The following ZAN variants were observed in gnomAD, a reference collection of about 807,000 sequenced individuals.
The protein encoded by ZAN is zonadhesin, also known as zonadhesin (gene/pseudogene).
ZAN carries 260 observed loss-of-function variants against 286.2 expected under a neutral mutation model. The ratio of observed to expected loss-of-function variants is 0.91; its 90% CI spans 0.82 to 1.01. The LOEUF is 1.01. Among genes scored for constraint, ZAN ranks in the 50% least tolerant of loss-of-function variants. The pLI is 0.00. For synonymous variants in ZAN, 1,368 were observed against 1,417.5 expected (o/e 0.97, Z 0.79); for missense variants, 3,410 against 3,639.2 (o/e 0.94, Z 1.62).
chr7:100,736,379 C>T, intron 3 of ZAN, 104 bp from the exon 4 acceptor site: 2 of 1,282,704 alleles, frequency 1.6e-6, no homozygotes, highest in Non-Finnish European at 2.2e-6. Flanking sequence ...GATTTCATGG[C>T]AGCTTTCTCT....
rs368918103 is a variant in ZAN, at chr7:100,767,945, G to A, written c.4975G>A (p.Asp1659Asn). Residue 1659 changes from aspartate to asparagine, a missense_variant, in exon 26 of 48, where the codon GAC (aspartate) becomes AAC (asparagine). This residue lies in a region of ZAN where 1,042 missense variants were observed against 1,058.0 expected (regional missense o/e 0.98). Transcript: ENST00000613979. ...YTNFGLQVRYDGSHLVEVTVP... is the reference protein window; with the variant it reads ...YTNFGLQVRYNGSHLVEVTVP... ...GAACTTTGGGCTCCAAGTTCGCTAC[G>A]ACGGGAGCCACTTGGTGGAAGTGAC... 185 of 1,613,820 alleles carry A rather than the reference G, an allele frequency of 1.1e-4. 1 individual carries two copies. Among genetic ancestry groups the A allele is most frequent in the Non-Finnish European group, 1.5e-4 (180 of 1,179,896 alleles).
At position 100,758,191 on chromosome 7, in the gene ZAN, C is replaced by T. The variant is rs747517122; in HGVS notation, c.3310-11C>T. On this transcript the variant is annotated splice_polypyrimidine_tract_variant and intron_variant, in intron 15 of 47. Transcript: ENST00000613979. The stretch of plus-strand genomic sequence containing the variant: ...TATATGACTGTGTGACCTCACATCC[C>T]TTTCTCCCAGCCTGGGGCAGAGTGG... 6.2e-6 allele frequency: 10 copies of T among 1,608,730 alleles called. No homozygotes were observed. The African/African-American group carries it at 9.4e-5, about 15-fold the overall frequency.
chr7:100,758,953 G>T (rs1338368493), intron 17 of ZAN, among the ~76,000 whole-genome samples: 1 of 152,104 alleles, frequency 6.6e-6, no homozygotes, highest in Admixed American at 6.6e-5. Context: ...GCCGGGCTCA[G>T]TGGCTCACGC....
chr7:100,773,945 T>A, intron 31 of ZAN, 80 bp downstream of exon 31: 1 of 1,511,346 alleles, frequency 6.6e-7, no homozygotes, highest in Non-Finnish European at 8.9e-7. Flanking sequence ...CCCTGCTGCC[T>A]GTAGCACTGG....
At chr7:100,758,951 C>G (rs1809350935) in intron 17 of ZAN, among the ~76,000 whole-genome samples, 1 of 151,992 alleles carries the variant, frequency 6.6e-6, no homozygotes, top group South Asian at 2.1e-4. Context: ...AGGCCGGGCT[C>G]AGTGGCTCAC....
rs1181348394 is a variant in ZAN at position 100,747,566 on chromosome 7, C to T, written c.948C>T (p.His316=). Residue 316 remains histidine (H), a synonymous_variant, in exon 9 of 48, where the codon CAC becomes CAT. Coordinates refer to ENST00000613979, the MANE Select transcript of ZAN (RefSeq NM_003386.3). ...YASVLGSIRK[H]TLFSGQPGPN... is the part of the protein sequence containing the mutation. Reference sequence around the variant, plus strand: ...TCACTGCAGGGAGTATCCGGAAACACACTCTCTTCTCAGGACAACCTGGGC... The same window carrying T: ...TCACTGCAGGGAGTATCCGGAAACATACTCTCTTCTCAGGACAACCTGGGC... 1.2e-6 allele frequency: 2 copies of T among 1,613,870 alleles called. No individual in the cohort carries two copies. The highest frequency in any genetic ancestry group is 4.5e-5 in the East Asian group (2 of 44,862).
At chr7:100,789,733 T>A (rs1316937895) in intron 39 of ZAN, among the ~76,000 whole-genome samples, 1 of 151,722 alleles carries the variant, frequency 6.6e-6, no homozygotes, top group Non-Finnish European at 1.5e-5. Context: ...TCACCTAAGG[T>A]CAGGAGTTCA....
intron 17 of ZAN, 34 bp from the exon 18 acceptor site, chr7:100,759,687 C>A: frequency 1.3e-6 from 2 of 1,558,720 alleles, no homozygotes; most frequent in Admixed American, 1.9e-5. Flanking sequence ...CAGAAATGAG[C>A]CACTGGGCTC....
chr7:100,755,429 T>A lies in ZAN; in HGVS notation c.3309+19T>A. 6.2e-7 allele frequency: 1 copy of A among 1,608,250 alleles called. No individual in the cohort carries two copies. Among genetic ancestry groups the A allele is most frequent in the Non-Finnish European group, 8.5e-7 (1 of 1,176,908 alleles). On this transcript the variant is annotated intron_variant, in intron 15 of 47. Transcript: ENST00000613979. The stretch of plus-strand genomic sequence containing the variant: ...CTATGAGGTAAGCCCCCCGGGATGC[T>A]GGGGTCCCATGAGGGAGATTGATGG...
At chr7:100,789,443 C>T (rs111780502) in intron 39 of ZAN, 96 bp downstream of exon 39, 63 of 1,545,466 alleles carry the variant, frequency 4.1e-5, no homozygotes, top group Middle Eastern at 1.9e-4. Context: ...TGAGCAGACT[C>T]GGCCCGGTAG....
chr7:100,751,671 G>T, intron 13 of ZAN, 41 bp from the exon 14 acceptor site: 1 of 1,538,666 alleles, frequency 6.5e-7, no homozygotes, highest in Non-Finnish European at 8.7e-7. Flanking sequence ...GTGGTGGTAT[G>T]GTTTTGACTA....
At position 100,779,607 on chromosome 7, in the gene ZAN, C is replaced by CGGGAAG; in HGVS notation, c.6480_6481insGGAAGG (p.Thr2160_Pro2161insGlyArg). 1 of 1,606,186 alleles carries CGGGAAG rather than the reference C, an allele frequency of 6.2e-7. No individual in the cohort carries two copies. Among genetic ancestry groups the CGGGAAG allele is most frequent in the South Asian group, 1.1e-5 (1 of 89,592 alleles). Reference sequence around the variant, plus strand: ...CAGTGCGCCTCCCGCATAGACCTCACGCCCTTCCTGGTGGACTGTGCAAAC... The same window carrying CGGGAAG: ...CAGTGCGCCTCCCGCATAGACCTCACGGGAAGGCCCTTCCTGGTGGACTGTGCAAAC... On this transcript the variant is annotated inframe_insertion, in exon 35 of 48. Transcript: ENST00000613979.
intron 24 of ZAN, 33 bp downstream of exon 24, chr7:100,766,699 C>A (rs1810000085): frequency 6.4e-7 from 1 of 1,551,846 alleles, no homozygotes; most frequent in Non-Finnish European, 8.7e-7. Flanking sequence ...GAGCTGGGGG[C>A]TGCCCAGGCA....
chr7:100,739,011 T>TCC (rs1807558688), intron 7 of ZAN, among the ~76,000 whole-genome samples: 1 of 82,598 alleles, frequency 1.2e-5, no homozygotes, highest in Non-Finnish European at 3.0e-5. Context: ...CTCCTTCTTC[T>TCC]TTTTCTTTTT....
chr7:100,782,138 T>A (rs1304514333), intron 35 of ZAN, among the ~76,000 whole-genome samples: 1 of 152,146 alleles, frequency 6.6e-6, no homozygotes, highest in Non-Finnish European at 1.5e-5. Flanking sequence ...TAGACCTTTA[T>A]TAGTGCTCTG....
At chr7:100,734,992 C>T (rs1807203339) in intron 2 of ZAN, among the ~76,000 whole-genome samples, 1 of 139,192 alleles carries the variant, frequency 7.2e-6, no homozygotes. Context: ...TGAGACCAGC[C>T]TGACCAACAT....
intron 37 of ZAN, among the ~76,000 whole-genome samples, chr7:100,786,490 C>A (rs972519473): frequency 1.1e-4 from 16 of 152,158 alleles, no homozygotes; most frequent in African/African-American, 3.9e-4. Context: ...CTAGCTGCAA[C>A]CTCAAATGCC....
intron 35 of ZAN, among the ~76,000 whole-genome samples, chr7:100,781,318 G>T (rs1055944379): frequency 1.8e-4 from 27 of 152,184 alleles, no homozygotes; most frequent in African/African-American, 6.0e-4. Context: ...TGCCTGCCTT[G>T]GCCTCCCAAA....
At position 100,751,996 on chromosome 7, in the gene ZAN, GA is replaced by G; in HGVS notation, c.1896del (p.Lys632AsnfsTer369). 2 of 1,612,792 alleles carry G rather than the reference GA, an allele frequency of 1.2e-6. No individual in the cohort carries two copies. Among genetic ancestry groups the G allele is most frequent in the Non-Finnish European group, 1.7e-6 (2 of 1,179,576 alleles). ...IPSEKPTILTEKPTIPSEKPT... is the reference protein window; with the variant it reads ...IPSEKPTILTXKPTIPSEKPT... ...CTCAGAAAAACCCACCATCCTCACA[GA>G]AAAACCCACCATTCCCTCAGAAAAA... is the stretch of plus-strand genomic sequence containing the variant. On this transcript the variant is annotated frameshift_variant, in exon 14 of 48. Transcript: ENST00000613979. LOFTEE classifies it high-confidence loss of function.
Sources: allele counts gnomAD v4.1 joint callset (sites outside exome capture counted in the v4.1 genomes callset), GRCh38; gene constraint gnomAD v4.1.1; regional missense constraint gnomAD v4.1.1; transcripts MANE v1.5; gene names NCBI Gene and HGNC (gene_info 2026-07-23, HGNC 2026-07-21).